DHX36: variants seen among roughly 807,000 people sequenced by gnomAD.
DHX36 encodes ATP-dependent DNA/RNA helicase DHX36.
DHX36 carries 50 observed loss-of-function variants against 139.0 expected under a neutral mutation model. The ratio of observed to expected loss-of-function variants is 0.36; its 90% CI spans 0.29 to 0.46. The LOEUF (loss-of-function observed/expected upper bound fraction) is 0.46. Ranked by LOEUF, DHX36 falls within the 20% of genes least tolerant of loss-of-function variation. The probability of loss-of-function intolerance (pLI) is 1.00; values close to 1 mark genes in which losing one functional copy is unlikely to be tolerated. For synonymous variants in DHX36, 425 were observed against 401.9 expected (o/e 1.06, Z -0.69); for missense variants, 1,024 against 1,211.3 (o/e 0.85, Z 2.29).
In DHX36 at chr3:154,277,616, T is replaced by C. The variant is rs376213100; in HGVS notation, c.2670A>G (p.Leu890=). The C allele has an allele frequency of 1.1e-4, 175 of 1,610,984 alleles. No individual in the cohort carries two copies. The highest frequency in any genetic ancestry group is 1.3e-4 in the Non-Finnish European group (157 of 1,178,110). Residue 890 remains leucine, a synonymous_variant, in exon 23 of 25, where the codon CTA becomes CTG. Coordinates refer to ENST00000496811, the MANE Select transcript of DHX36 (RefSeq NM_020865.3). ...DFHYNWLIYH[L]KMRTSSIYLY... ...CACTTACACTGCTTGTTCTCATCTTTAGGTGATAGATAAGCCAGTTGTAGT... is the reference window on the plus strand; with the variant it reads ...CACTTACACTGCTTGTTCTCATCTTCAGGTGATAGATAAGCCAGTTGTAGT...
intron 3 of DHX36, among the ~76,000 whole-genome samples, chr3:154,312,881 A>ATATATATG (rs1712823271): frequency 8.6e-6 from 1 of 115,828 alleles, no homozygotes; most frequent in Non-Finnish European, 1.8e-5. Context: ...ATATATATAT[A>ATATATATG]TATATATATA....
At position 154,315,287 on chromosome 3, in the gene DHX36, T is replaced by C. The variant is rs750196695; in HGVS notation, c.369-7A>G. ...AGAAACTTCAGTACCGTATCTGTTT[T>C]GACAAAATAAGAAAGGAAGAAAGGT... On this transcript the variant is annotated splice_region_variant and splice_polypyrimidine_tract_variant and intron_variant, in intron 2 of 24. Transcript: ENST00000496811. 3.8e-6 allele frequency: 6 copies of C among 1,597,272 alleles called. No individual in the cohort carries two copies. The African/African-American group carries it at 4.1e-5, about 11-fold the overall frequency.
chr3:154,284,630 C>A lies in DHX36; in HGVS notation c.2245G>T (p.Ala749Ser). The change falls in exon 19 of 25, where the codon GCA becomes TCA. Residue 749 changes from alanine (A) to serine (S), a missense_variant. By Grantham distance (99) the Ala-to-Ser change is moderately conservative. This residue lies in a region of DHX36 where 470 missense variants were observed against 616.2 expected (regional missense o/e 0.76). Transcript: ENST00000496811. ...AAGTGATCACTTCTAGTATCCTTTG[C>A]CAATTCCTTTCTTCTTGCATCTGCA... ...KIADARRKEL[A>S]KDTRSDHLTV... 6.2e-7 allele frequency: 1 copy of A among 1,612,696 alleles called. No individual in the cohort carries two copies. The highest frequency in any genetic ancestry group is 8.5e-7 in the Non-Finnish European group (1 of 1,179,422).
intron 22 of DHX36, 164 bp from the exon 23 acceptor site, chr3:154,277,882 TATA>T (rs1387582290): frequency 1.7e-5 from 9 of 521,874 alleles, no homozygotes; most frequent in African/African-American, 1.5e-4. Context: ...TGCAAAAAAA[TATA>T]TTTATATTTG....
At chr3:154,276,975 A>G (rs947920534) in intron 23 of DHX36, 76 bp from the exon 24 acceptor site, 3 of 1,238,048 alleles carry the variant, frequency 2.4e-6, no homozygotes, top group African/African-American at 3.1e-5. Context: ...CAATATTACC[A>G]GTATTAATTA....
intron 23 of DHX36, 111 bp from the exon 24 acceptor site, chr3:154,277,010 T>A: frequency 3.3e-6 from 3 of 896,158 alleles, no homozygotes; most frequent in Non-Finnish European, 3.3e-6. Flanking sequence ...TCTAAAATAT[T>A]AACCTTCTAT....
chr3:154,301,827 GA>G (rs1712305212), intron 9 of DHX36, among the ~76,000 whole-genome samples: 1 of 151,960 alleles, frequency 6.6e-6, no homozygotes, highest in African/African-American at 2.4e-5. Flanking sequence ...CACGAGGTGG[GA>G]AAAGACAAAA....
intron 17 of DHX36, among the ~76,000 whole-genome samples, chr3:154,286,067 C>T (rs1454419171): frequency 7.0e-6 from 1 of 143,542 alleles, no homozygotes; most frequent in African/African-American, 2.6e-5. Flanking sequence ...ATAGTCATAC[C>T]ATAATCTCAT....
At position 154,289,695 on chromosome 3, in the gene DHX36, C is replaced by T. The variant is rs758847764; in HGVS notation, c.1932+14G>A. The T allele has an allele frequency of 2.1e-6, 3 of 1,432,336 alleles. No individual in the cohort carries two copies. In the Admixed American group the frequency reaches 5.0e-5, roughly 24 times the overall value. 88.7% of individuals were successfully genotyped at this position (1,432,336 alleles called of 1,614,324 possible). ...CACTTCCATTTAGTTTCTTCATTCTCCCACCTAATTTACCTTTATTTGTAA... is the reference window on the plus strand; with the variant it reads ...CACTTCCATTTAGTTTCTTCATTCTTCCACCTAATTTACCTTTATTTGTAA... On this transcript the variant is annotated intron_variant, in intron 16 of 24. Transcript: ENST00000496811.
At chr3:154,300,878 TCA>T in intron 10 of DHX36, 107 bp downstream of exon 10, 2 of 1,468,194 alleles carry the variant, frequency 1.4e-6, no homozygotes, top group Non-Finnish European at 1.9e-6. Flanking sequence ...AATAAGAGAC[TCA>T]CAATGCTCTC....
chr3:154,276,520 T>A, intron 24 of DHX36, 164 bp from the exon 25 acceptor site: 1 of 784,730 alleles, frequency 1.3e-6, no homozygotes, highest in Non-Finnish European at 2.0e-6. Context: ...AGTGAATAAC[T>A]AAAGTGCAGT....
intron 17 of DHX36, among the ~76,000 whole-genome samples, chr3:154,286,337 A>C (rs1576859607): frequency 2.0e-5 from 3 of 151,716 alleles, no homozygotes; most frequent in Admixed American, 1.3e-4. Context: ...TAAAACTCTA[A>C]TTATTTAAAG....
intron 19 of DHX36, 68 bp from the exon 20 acceptor site, chr3:154,283,339 T>C (rs1309704280): frequency 1.9e-6 from 2 of 1,071,364 alleles, no homozygotes; most frequent in Admixed American, 1.9e-5. Context: ...GGTTTCCCTC[T>C]TTACTTTAGT....
chr3:154,294,502 G>C (rs1040703217), intron 13 of DHX36, among the ~76,000 whole-genome samples: 1 of 152,174 alleles, frequency 6.6e-6, no homozygotes, highest in African/African-American at 2.4e-5. Context: ...TAATTTACTA[G>C]GTTATGGTGT....
At chr3:154,297,943 T>G (rs1198700503) in intron 12 of DHX36, among the ~76,000 whole-genome samples, 1 of 151,846 alleles carries the variant, frequency 6.6e-6, no homozygotes, top group Non-Finnish European at 1.5e-5. Context: ...ATAAACTGAG[T>G]TTCAAAACTC....
chr3:154,300,995 C>A lies in DHX36; in HGVS notation c.1350G>T (p.Leu450=). The change falls in exon 10 of 25, where the codon CTG becomes CTT. Residue 450 remains leucine (L), a synonymous_variant. Transcript: ENST00000496811. The part of the protein sequence containing the change: ...KERWPDYVRE[L]RRRYSASTVD... ...AGACAAAATAAACTTACCTTCTTCG[C>A]AGTTCCCTTACATAATCTGGCCAAC... 1 of 1,610,294 alleles carries A rather than the reference C, an allele frequency of 6.2e-7. No homozygotes were observed. Among genetic ancestry groups the A allele is most frequent in the Non-Finnish European group, 8.5e-7 (1 of 1,179,274 alleles).
At position 154,286,180 on chromosome 3, in the gene DHX36, A is replaced by AC. The variant is rs1559946826; in HGVS notation, c.2032-1194_2032-1193insG. On this transcript the variant is annotated intron_variant, in intron 17 of 24. Coordinates refer to ENST00000496811, the MANE Select transcript of DHX36 (RefSeq NM_020865.3). Reference sequence around the variant, plus strand: ...CTTCCACACACCAAAAAAAAAAAAAAAAAAAAAAAAAACACCAACAAACAC... The same window carrying AC: ...CTTCCACACACCAAAAAAAAAAAAAACAAAAAAAAAAAACACCAACAAACAC... Among the ~76,000 whole-genome samples the AC allele has an allele frequency of 9.0e-3, 176 of 19,520 alleles. 2 individuals are homozygous for AC. The South Asian group carries it at 0.11, about 12-fold the overall frequency. The allele number at this position is 19,520 out of a possible 152,430, so 12.8% of individuals were successfully genotyped here.
rs1357679634 is a variant in DHX36 at position 154,275,708 on chromosome 3, A to C, written c.*463T>G. On this transcript the variant is annotated 3_prime_UTR_variant, in exon 25 of 25. Coordinates refer to ENST00000496811, the MANE Select transcript of DHX36 (RefSeq NM_020865.3). ...TACATTTTATTAAATACTGGACTTT[A>C]TTACAACAAATTAATTTACTTCCGA... 1 of 152,672 alleles carries C rather than the reference A, an allele frequency of 6.5e-6. No individual in the cohort carries two copies. The highest frequency in any genetic ancestry group is 2.4e-5 in the African/African-American group (1 of 41,444). 9.5% of individuals were successfully genotyped at this position (152,672 alleles called of 1,614,324 possible).
chr3:154,324,327 A>G lies in DHX36; in HGVS notation c.90T>C (p.His30=). The G allele has an allele frequency of 6.3e-7, 1 of 1,598,936 alleles. No individual in the cohort carries two copies. Among genetic ancestry groups the G allele is most frequent in the East Asian group, 2.2e-5 (1 of 44,462 alleles). ...GGYGGGPAGG[H]GGNRGSGGGG... ...CTCCTCCGGAGCCTCGGTTACCTCCATGACCCCCTGCTGGCCCCCCTCCAT... is the reference window on the plus strand; with the variant it reads ...CTCCTCCGGAGCCTCGGTTACCTCCGTGACCCCCTGCTGGCCCCCCTCCAT... The change falls in exon 1 of 25, where the codon CAT becomes CAC. Residue 30 remains histidine (H), a synonymous_variant. Transcript: ENST00000496811.
Sources: gnomAD v4.1 joint callset for allele counts (sites outside exome capture counted in the v4.1 genomes callset) on GRCh38, gnomAD v4.1.1 for gene constraint, gnomAD v4.1.1 regional missense constraint, MANE v1.5 for transcripts, NCBI Gene and HGNC (gene_info 2026-07-23, HGNC 2026-07-21) for gene names.